Variants in AADACL2 observed in about 807,000 individuals in gnomAD.
The protein encoded by AADACL2 is arylacetamide deacetylase like 2, also known as arylacetamide deacetylase-like 2.
AADACL2 carries 23 observed loss-of-function variants against 22.3 expected under a neutral mutation model. That is an observed-to-expected ratio of 1.03 (90% confidence interval 0.74 to 1.46). The LOEUF (loss-of-function observed/expected upper bound fraction) is 1.46. Ranked by LOEUF, AADACL2 falls within the 40% of genes most tolerant of loss-of-function variation. The pLI is 0.00. For synonymous variants in AADACL2, 177 were observed against 166.2 expected (o/e 1.07, Z -0.50); for missense variants, 472 against 482.9 (o/e 0.98, Z 0.21).
rs1714138897 is a variant in AADACL2, at chr3:151,761,194, TAC to T, written c.*3602_*3603del. On this transcript the variant is annotated 3_prime_UTR_variant, in exon 5 of 5. Transcript: ENST00000356517. ...ATATTTATATATATGGTGAGATATATACATATTGTGATATATATATATATATA... is the reference window on the plus strand; with the variant it reads ...ATATTTATATATATGGTGAGATATATATATTGTGATATATATATATATATA... The T allele has an allele frequency of 2.1e-4, 26 of 123,558 alleles. No individual in the cohort carries two copies. The highest frequency in any genetic ancestry group is 5.4e-4 in the South Asian group (2 of 3,726). The allele number at this position is 123,558 out of a possible 1,614,324, so 7.7% of individuals were successfully genotyped here.
intron 1 of AADACL2, among the ~76,000 whole-genome samples, chr3:151,737,195 T>C (rs546827409): frequency 1.3e-5 from 2 of 152,358 alleles, no homozygotes; most frequent in South Asian, 4.1e-4. Context: ...ACTTCGTTAT[T>C]TCTGCCTTAA....
At chr3:151,756,745 T>G (rs1438459284) in intron 4 of AADACL2, among the ~76,000 whole-genome samples, 2 of 151,696 alleles carry the variant, frequency 1.3e-5, no homozygotes, top group East Asian at 3.9e-4. Flanking sequence ...TCTCTTTCCC[T>G]CTCCTCTCTT....
chr3:151,756,937 T>A (rs1208704291), intron 4 of AADACL2, 55 bp from the exon 5 acceptor site: 2 of 1,499,086 alleles, frequency 1.3e-6, no homozygotes, highest in Non-Finnish European at 1.8e-6. Flanking sequence ...TAAATTTTTT[T>A]TCTCCTGGTA....
At chr3:151,737,358 T>G (rs2218669) in intron 1 of AADACL2, among the ~76,000 whole-genome samples, 102,578 of 151,654 alleles carry the variant, frequency 0.68, 34,801 homozygotes, top group South Asian at 0.74. Flanking sequence ...TTTTGTATTT[T>G]CTGAGGAGTG....
chr3:151,734,176 A>G lies in AADACL2; in HGVS notation c.138+3A>G, dbSNP rs1318078666. The G allele has an allele frequency of 1.2e-6, 2 of 1,612,552 alleles. No homozygotes were observed. Among genetic ancestry groups the G allele is most frequent in the African/African-American group, 2.7e-5 (2 of 74,986 alleles). ...TCGCTAAAACTTGTACATTTACGGTAAGGTTAACATTTATTTTTTCTGTTG... is the reference window on the plus strand; with the variant it reads ...TCGCTAAAACTTGTACATTTACGGTGAGGTTAACATTTATTTTTTCTGTTG... On this transcript the variant is annotated splice_donor_region_variant and intron_variant, in intron 1 of 4. Coordinates refer to ENST00000356517, the MANE Select transcript of AADACL2 (RefSeq NM_207365.4).
At position 151,741,600 on chromosome 3, in the gene AADACL2, T is replaced by C. The variant is rs1475140037; in HGVS notation, c.361+732T>C. Among the ~76,000 whole-genome samples, 9 of 152,282 alleles carry C rather than the reference T, an allele frequency of 5.9e-5. 1 individual carries two copies. The South Asian group carries it at 1.9e-3, about 32-fold the overall frequency. On this transcript the variant is annotated intron_variant, in intron 2 of 4. Transcript: ENST00000356517. ...CATTGGATTTCATCTATATTTCATCTATAATTTAATTTATATCATGTGTTA... is the reference window on the plus strand; with the variant it reads ...CATTGGATTTCATCTATATTTCATCCATAATTTAATTTATATCATGTGTTA...
rs776541339 is a variant in AADACL2, at chr3:151,757,234, C to T, written c.846C>T (p.Asn282=). 6 of 1,613,570 alleles carry T rather than the reference C, an allele frequency of 3.7e-6. No individual in the cohort carries two copies. The Admixed American group carries it at 6.7e-5, about 18-fold the overall frequency. Residue 282 remains asparagine, a synonymous_variant, in exon 5 of 5, where the codon AAC becomes AAT. Coordinates refer to ENST00000356517, the MANE Select transcript of AADACL2 (RefSeq NM_207365.4). ...LESRHLFKFV[N]WSILLPEKYR... ...CAAGACATCTGTTTAAGTTTGTTAACTGGAGTATTCTTCTTCCTGAGAAGT... is the reference window on the plus strand; with the variant it reads ...CAAGACATCTGTTTAAGTTTGTTAATTGGAGTATTCTTCTTCCTGAGAAGT...
At chr3:151,738,001 G>A (rs1480616063) in intron 1 of AADACL2, among the ~76,000 whole-genome samples, 1 of 152,120 alleles carries the variant, frequency 6.6e-6, no homozygotes, top group South Asian at 2.1e-4. Context: ...TCATCATGAT[G>A]CTAGCTAGTT....
intron 4 of AADACL2, among the ~76,000 whole-genome samples, chr3:151,751,867 A>T (rs1461083395): frequency 6.6e-6 from 1 of 152,166 alleles, no homozygotes; most frequent in East Asian, 1.9e-4. Context: ...GTGCACAAAA[A>T]TCTAACACCA....
rs1165350053 is a variant in AADACL2, at chr3:151,761,194, TACATATTGTG to T, written c.*3602_*3611del. 2.6e-3 allele frequency: 325 copies of T among 123,232 alleles called. 1 individual carries two copies. The highest frequency in any genetic ancestry group is 6.3e-3 in the East Asian group (27 of 4,298). 7.6% of individuals were successfully genotyped at this position (123,232 alleles called of 1,614,324 possible). On this transcript the variant is annotated 3_prime_UTR_variant, in exon 5 of 5. Coordinates refer to ENST00000356517, the MANE Select transcript of AADACL2 (RefSeq NM_207365.4). ...ATATTTATATATATGGTGAGATATA[TACATATTGTG>T]ATATATATATATATATATATATATA...
intron 1 of AADACL2, among the ~76,000 whole-genome samples, chr3:151,735,165 C>T (rs1019854560): frequency 5.3e-5 from 8 of 152,042 alleles, no homozygotes; most frequent in Admixed American, 5.3e-4. Context: ...CTCCAATGCT[C>T]TTACTTCTTG....
chr3:151,757,709 T>C lies in AADACL2; in HGVS notation c.*115T>C, dbSNP rs1576619798. On this transcript the variant is annotated 3_prime_UTR_variant, in exon 5 of 5. Coordinates refer to ENST00000356517, the MANE Select transcript of AADACL2 (RefSeq NM_207365.4). ...TATCTAAATCTACATTTGCAACATT[T>C]GTAGCAGTTAATGTGTGTCCTTGAA... The C allele has an allele frequency of 1.5e-6, 2 of 1,330,628 alleles. No homozygotes were observed. Among genetic ancestry groups the C allele is most frequent in the East Asian group, 4.7e-5 (2 of 42,912 alleles). 82.4% of individuals were successfully genotyped at this position (1,330,628 alleles called of 1,614,324 possible). A position where few individuals can be genotyped will look rare whatever the true frequency, so the allele number is the denominator to read the frequency against.
chr3:151,747,163 T>G (rs906834196), intron 4 of AADACL2, among the ~76,000 whole-genome samples: 23 of 152,354 alleles, frequency 1.5e-4, no homozygotes, highest in Non-Finnish European at 3.1e-4. Flanking sequence ...GATGTTTTGA[T>G]ATATGTATGC....
Position 151,737,647 on chromosome 3 carries a change from G to A in AADACL2, c.139-2999G>A, listed in dbSNP as rs114567424. Among the ~76,000 whole-genome samples the A allele has an allele frequency of 5.3e-3, 803 of 152,240 alleles. 11 individuals are homozygous for A. Among genetic ancestry groups the A allele is most frequent in the African/African-American group, 0.018 (763 of 41,546 alleles). ...TTGTTTTATGAAACCTGGTGCTCCC[G>A]TATTGGATGCATATATATTTAGGAT... On this transcript the variant is annotated intron_variant, in intron 1 of 4. Coordinates refer to ENST00000356517, the MANE Select transcript of AADACL2 (RefSeq NM_207365.4).
At position 151,758,140 on chromosome 3, in the gene AADACL2, C is replaced by T. The variant is rs1278140451; in HGVS notation, c.*546C>T. 6.6e-6 allele frequency: 1 copy of T among 152,358 alleles called. No homozygotes were observed. Among genetic ancestry groups the T allele is most frequent in the African/African-American group, 2.4e-5 (1 of 41,424 alleles). The allele number at this position is 152,358 out of a possible 1,614,324, so 9.4% of individuals were successfully genotyped here. A position where few individuals can be genotyped will look rare whatever the true frequency, so the allele number is the denominator to read the frequency against. ...AAATTAGTATTAACTAGGCCCAAAC[C>T]AAGTCACAGGCAAGAGACATGACTC... On this transcript the variant is annotated 3_prime_UTR_variant, in exon 5 of 5. Transcript: ENST00000356517.
At chr3:151,743,934 G>A (rs1403836973) in intron 2 of AADACL2, among the ~76,000 whole-genome samples, 159 bp from the exon 3 acceptor site, 1 of 151,976 alleles carries the variant, frequency 6.6e-6, no homozygotes, top group African/African-American at 2.4e-5. Flanking sequence ...AGGGGAGAGT[G>A]TGCCACGTGG....
At chr3:151,734,309 T>TTACTC in intron 1 of AADACL2, 136 bp downstream of exon 1, 2 of 994,092 alleles carry the variant, frequency 2.0e-6, no homozygotes, top group Non-Finnish European at 2.9e-6. Context: ...GTAAATTAAT[T>TTACTC]AAACAACATT....
intron 4 of AADACL2, among the ~76,000 whole-genome samples, chr3:151,752,069 T>C (rs1156457422): frequency 6.6e-6 from 1 of 152,238 alleles, no homozygotes; most frequent in Non-Finnish European, 1.5e-5. Flanking sequence ...TTAAGTTATT[T>C]GTTCTTCATG....
Position 151,745,569 on chromosome 3 carries a change from C to A in AADACL2, c.492C>A (p.Val164=). Residue 164 remains valine, a synonymous_variant, in exon 4 of 5, where the codon GTC becomes GTA. Coordinates refer to ENST00000356517, the MANE Select transcript of AADACL2 (RefSeq NM_207365.4). Reference sequence around the variant, plus strand: ...AGTTTGAAGATGGCCTTGCTGCAGTCAAATTTTTTCTTTTGGAAAAAATTC... The same window carrying A: ...AGTTTGAAGATGGCCTTGCTGCAGTAAAATTTTTTCTTTTGGAAAAAATTC... ...PAQFEDGLAA[V]KFFLLEKILT... 1 of 1,613,814 alleles carries A rather than the reference C, an allele frequency of 6.2e-7. No individual in the cohort carries two copies.
Sources: allele counts gnomAD v4.1 joint callset (sites outside exome capture counted in the v4.1 genomes callset), GRCh38; gene constraint gnomAD v4.1.1; transcripts MANE v1.5; gene names NCBI Gene and HGNC (gene_info 2026-07-23, HGNC 2026-07-21).